Variants in AFF3 observed in about 807,000 individuals in gnomAD.
AFF3 encodes AF4/FMR2 family member 3.
Under a neutral mutation model 129.7 loss-of-function variants are expected in AFF3, and 32 were observed. That is an observed-to-expected ratio of 0.25 (90% confidence interval 0.19 to 0.33). The LOEUF is 0.33. Ranked by LOEUF, AFF3 falls within the 10% of genes least tolerant of loss-of-function variation. The pLI is 1.00. For missense variants in AFF3, 1,373 were observed against 1,592.0 expected (o/e 0.86, Z 2.34); for synonymous variants, 644 against 635.4 (o/e 1.01, Z -0.20).
intron 7 of AFF3, among the ~76,000 whole-genome samples, chr2:99,914,603 C>T (rs112059046): frequency 2.0e-5 from 3 of 152,232 alleles, no homozygotes; most frequent in African/African-American, 7.2e-5. Context: ...GGGAAATACA[C>T]ACTGAAGTAT....
rs955117269 is a variant in AFF3, at chr2:99,549,698, C to A, written c.*1776G>T. The A allele has an allele frequency of 4.6e-5, 10 of 215,760 alleles. No homozygotes were observed. The highest frequency in any genetic ancestry group is 2.2e-4 in the African/African-American group (10 of 44,486). The allele number at this position is 215,760 out of a possible 1,614,324, so 13.4% of individuals were successfully genotyped here. ...AAAGCCAAATGCAAATTCCACAAGC[C>A]CTTCTTATTTTCAATTAATTTCAAA... is the stretch of plus-strand genomic sequence containing the variant. On this transcript the variant is annotated 3_prime_UTR_variant, in exon 25 of 25. Transcript: ENST00000672756.
chr2:99,567,521 TG>T (rs1393177452), intron 19 of AFF3, among the ~76,000 whole-genome samples: 1 of 151,756 alleles, frequency 6.6e-6, no homozygotes, highest in East Asian at 1.9e-4. Context: ...TGGAGGAAAG[TG>T]AGCTAGTGAT....
At chr2:100,060,561 A>T (rs1191936988) in intron 4 of AFF3, among the ~76,000 whole-genome samples, 4 of 152,206 alleles carry the variant, frequency 2.6e-5, no homozygotes, top group Non-Finnish European at 5.9e-5. Flanking sequence ...CTGAGCTATT[A>T]GATAAATGAT....
rs535454166 is a variant in AFF3 at position 99,880,807 on chromosome 2, G to A, written c.874-43283C>T. ...GAAAGAACGGGCATCTGTATGTGGC[G>A]ACAGATGACGGAGTGCTGTTTGGGA... On this transcript the variant is annotated intron_variant, in intron 7 of 24. Transcript: ENST00000672756. Among the ~76,000 whole-genome samples the A allele has an allele frequency of 3.9e-5, 6 of 152,276 alleles. No homozygotes were observed. In the South Asian group the frequency reaches 1.0e-3, roughly 26 times the overall value.
chr2:100,055,631 C>A (rs1197339069), intron 4 of AFF3, among the ~76,000 whole-genome samples: 1 of 152,054 alleles, frequency 6.6e-6, no homozygotes, highest in Non-Finnish European at 1.5e-5. Flanking sequence ...CTGTCTAGGC[C>A]AGAGATCAGC....
At chr2:99,760,199 A>C (rs1371570849) in intron 8 of AFF3, among the ~76,000 whole-genome samples, 1 of 152,206 alleles carries the variant, frequency 6.6e-6, no homozygotes, top group Non-Finnish European at 1.5e-5. Flanking sequence ...AGATGAGAGA[A>C]TATATGGGGA....
chr2:99,625,965 T>A (rs73964179), intron 13 of AFF3, among the ~76,000 whole-genome samples: 4,062 of 152,286 alleles, frequency 0.027, 183 homozygotes, highest in African/African-American at 0.091. Context: ...AGTGGCCACA[T>A]GAAAAGATTA....
Position 99,719,123 on chromosome 2 carries a change from G to A in AFF3, c.1091+7954C>T, listed in dbSNP as rs1432319688. ...GTTTCCTTCTAGTCCTAGTTGGCTGGGAGTGTTTTTTTTTTCTTTTTAAAT... is the reference window on the plus strand; with the variant it reads ...GTTTCCTTCTAGTCCTAGTTGGCTGAGAGTGTTTTTTTTTTCTTTTTAAAT... On this transcript the variant is annotated intron_variant, in intron 11 of 24. Transcript: ENST00000672756. 2.7e-5 allele frequency among the ~76,000 whole-genome samples: 4 copies of A among 149,602 alleles called. 1 individual carries two copies. Among genetic ancestry groups the A allele is most frequent in the Admixed American group, 6.7e-5 (1 of 14,986 alleles).
intron 10 of AFF3, among the ~76,000 whole-genome samples, chr2:99,743,644 G>A (rs1680903892): frequency 1.3e-5 from 2 of 152,180 alleles, no homozygotes; most frequent in African/African-American, 4.8e-5. Context: ...AGATAGTTGA[G>A]TCTGTCTATT....
intron 8 of AFF3, among the ~76,000 whole-genome samples, chr2:99,761,388 C>T (rs1048260966): frequency 6.6e-6 from 1 of 152,106 alleles, no homozygotes; most frequent in Admixed American, 6.6e-5. Context: ...ATTTTCACGT[C>T]TACTCTACAG....
intron 13 of AFF3, among the ~76,000 whole-genome samples, chr2:99,619,837 GA>G (rs1681817186): frequency 6.6e-6 from 1 of 152,322 alleles, no homozygotes; most frequent in Non-Finnish European, 1.5e-5. Context: ...TCACTGGCTT[GA>G]ATGTCACCAC....
intron 2 of AFF3, among the ~76,000 whole-genome samples, chr2:100,111,298 A>G (rs1353296579): frequency 6.6e-6 from 1 of 152,246 alleles, no homozygotes; most frequent in African/African-American, 2.4e-5. Context: ...CCCAGCCTAT[A>G]TGCCCCAATG....
At chr2:99,896,924 C>T (rs544113974) in intron 7 of AFF3, among the ~76,000 whole-genome samples, 8 of 152,122 alleles carry the variant, frequency 5.3e-5, no homozygotes, top group African/African-American at 1.4e-4. Context: ...CATGAGCCAC[C>T]GCGCCCGGCC....
At chr2:99,793,101 A>G (rs10182690) in intron 8 of AFF3, among the ~76,000 whole-genome samples, 132,435 of 152,118 alleles carry the variant, frequency 0.87, 57,692 homozygotes, top group East Asian at 0.92. Flanking sequence ...TGGGTCATGA[A>G]GGTGGATCTC....
At chr2:99,645,518 C>T (rs1193916396) in intron 13 of AFF3, among the ~76,000 whole-genome samples, 1 of 152,178 alleles carries the variant, frequency 6.6e-6, no homozygotes, top group Non-Finnish European at 1.5e-5. Flanking sequence ...AACACACCAT[C>T]CCACTCTCAC....
At chr2:99,607,529 C>T (rs1318146052) in intron 13 of AFF3, among the ~76,000 whole-genome samples, 1 of 149,624 alleles carries the variant, frequency 6.7e-6, no homozygotes, top group Admixed American at 6.6e-5. Flanking sequence ...GAGACTCTGT[C>T]TCAAAAAAAA....
intron 8 of AFF3, among the ~76,000 whole-genome samples, chr2:99,787,524 C>T (rs1684890069): frequency 6.6e-6 from 1 of 152,200 alleles, no homozygotes; most frequent in Non-Finnish European, 1.5e-5. Flanking sequence ...GCCCAGCTCC[C>T]AGCCCTTGCC....
chr2:99,569,150 G>A (rs1676253443), intron 18 of AFF3, among the ~76,000 whole-genome samples: 1 of 152,064 alleles, frequency 6.6e-6, no homozygotes, highest in South Asian at 2.1e-4. Flanking sequence ...TCTATTTACA[G>A]TGGATTTAAC....
At chr2:99,813,844 C>T (rs1576065104) in intron 8 of AFF3, among the ~76,000 whole-genome samples, 1 of 152,292 alleles carries the variant, frequency 6.6e-6, no homozygotes, top group Non-Finnish European at 1.5e-5. Context: ...AAACAGTTCA[C>T]CTGTTTATAA....
Sources: allele counts gnomAD v4.1 joint callset (sites outside exome capture counted in the v4.1 genomes callset), GRCh38; gene constraint gnomAD v4.1.1; transcripts MANE v1.5; gene names NCBI Gene and HGNC (gene_info 2026-07-23, HGNC 2026-07-21).